The following ALK variants were observed in gnomAD, a reference collection of about 807,000 sequenced individuals.
ALK encodes ALK tyrosine kinase receptor.
In ALK, 74 loss-of-function variants were observed where a neutral mutation model predicts 163.1. The observed-to-expected ratio is 0.45, with a 90% CI of 0.38 to 0.55. ALK has a LOEUF of 0.55. Among genes scored for constraint, ALK ranks in the 20% least tolerant of loss-of-function variants. ALK has a pLI of 0.00. For synonymous variants in ALK, 960 were observed against 843.2 expected (o/e 1.14, Z -2.40); for missense variants, 2,063 against 2,105.3 (o/e 0.98, Z 0.39).
rs73920736 is a variant in ALK, at chr2:29,225,161, G to C, written c.3172+300C>G. 6.6e-3 allele frequency among the ~76,000 whole-genome samples: 1,006 copies of C among 152,250 alleles called. 14 individuals are homozygous for C. Among genetic ancestry groups the C allele is most frequent in the African/African-American group, 0.023 (946 of 41,518 alleles). Reference sequence around the variant, plus strand: ...CTAGAAGTGACGTCTAGGGGTGGGGGCGAGCTTTCACCATCGTGATGGACA... The same window carrying C: ...CTAGAAGTGACGTCTAGGGGTGGGGCCGAGCTTTCACCATCGTGATGGACA... On this transcript the variant is annotated intron_variant, in intron 19 of 28. Coordinates refer to ENST00000389048, the MANE Select transcript of ALK (RefSeq NM_004304.5).
intron 11 of ALK, among the ~76,000 whole-genome samples, chr2:29,260,934 T>G (rs1488399651): frequency 6.6e-6 from 1 of 152,162 alleles, no homozygotes; most frequent in African/African-American, 2.4e-5. Flanking sequence ...CTGGACATTC[T>G]CTTATTTATT....
At chr2:29,236,426 G>A (rs1265474190) in intron 13 of ALK, among the ~76,000 whole-genome samples, 1 of 152,202 alleles carries the variant, frequency 6.6e-6, no homozygotes, top group Non-Finnish European at 1.5e-5. Flanking sequence ...GGGCTTTCCT[G>A]TAGTTAGAGC....
At chr2:29,212,925 G>A (rs933503588) in intron 24 of ALK, among the ~76,000 whole-genome samples, 4 of 152,194 alleles carry the variant, frequency 2.6e-5, no homozygotes, top group Non-Finnish European at 5.9e-5. Flanking sequence ...GGCTGGTCTC[G>A]AACTCCCAAC....
chr2:29,347,847 C>T (rs537545800), intron 5 of ALK, among the ~76,000 whole-genome samples: 3 of 152,318 alleles, frequency 2.0e-5, no homozygotes, highest in Admixed American at 2.0e-4. Context: ...AGTTCTCAAA[C>T]TTTAGCATGC....
intron 3 of ALK, among the ~76,000 whole-genome samples, chr2:29,605,524 A>G (rs949872065): frequency 2.0e-5 from 3 of 152,216 alleles, no homozygotes; most frequent in Non-Finnish European, 4.4e-5. Flanking sequence ...GATGACTTAG[A>G]TGAAGTCACG....
At chr2:29,795,893 T>C (rs1430476552) in intron 1 of ALK, among the ~76,000 whole-genome samples, 1 of 152,186 alleles carries the variant, frequency 6.6e-6, no homozygotes, top group Non-Finnish European at 1.5e-5. Context: ...AAAAAGGACA[T>C]AACTGCATAT....
At chr2:29,216,930 G>GTGT (rs1553393091) in intron 23 of ALK, among the ~76,000 whole-genome samples, 122 of 131,572 alleles carry the variant, frequency 9.3e-4, no homozygotes, top group Admixed American at 3.4e-3. Flanking sequence ...TATGGTGTGT[G>GTGT]GGGGGTGTGT....
chr2:29,807,572 G>A (rs1664653742), intron 1 of ALK, among the ~76,000 whole-genome samples: 3 of 152,214 alleles, frequency 2.0e-5, no homozygotes, highest in Admixed American at 6.5e-5. Flanking sequence ...GCACCTGGAA[G>A]TTGTTTGAAG....
intron 8 of ALK, among the ~76,000 whole-genome samples, chr2:29,297,544 T>G (rs1175837376): frequency 6.6e-6 from 1 of 152,226 alleles, no homozygotes; most frequent in East Asian, 1.9e-4. Flanking sequence ...CTCATTTGAA[T>G]GGTGTCATGT....
intron 3 of ALK, among the ~76,000 whole-genome samples, chr2:29,568,896 T>A (rs1282580581): frequency 6.6e-6 from 1 of 152,084 alleles, no homozygotes; most frequent in Non-Finnish European, 1.5e-5. Flanking sequence ...CTGACCCTTG[T>A]GTATGGTCTG....
chr2:29,478,461 T>C (rs1671580475), intron 4 of ALK, among the ~76,000 whole-genome samples: 1 of 152,220 alleles, frequency 6.6e-6, no homozygotes, highest in Non-Finnish European at 1.5e-5. Context: ...AACAGAGCCT[T>C]GGACAGGCGG....
intron 8 of ALK, among the ~76,000 whole-genome samples, chr2:29,306,751 C>T (rs1463409065): frequency 6.6e-6 from 1 of 152,082 alleles, no homozygotes; most frequent in Admixed American, 6.5e-5. Context: ...TTGCTGATGC[C>T]AGTAACAATA....
chr2:29,797,685 G>A (rs1166032789), intron 1 of ALK, among the ~76,000 whole-genome samples: 1 of 152,086 alleles, frequency 6.6e-6, no homozygotes, highest in African/African-American at 2.4e-5. Context: ...ACTAGTTACT[G>A]GAGTAGTGTT....
At chr2:29,818,515 AG>A (rs1664958609) in intron 1 of ALK, among the ~76,000 whole-genome samples, 1 of 152,232 alleles carries the variant, frequency 6.6e-6, no homozygotes, top group Non-Finnish European at 1.5e-5. Context: ...AACAGCGCGC[AG>A]GTTTTCCACG....
intron 1 of ALK, among the ~76,000 whole-genome samples, chr2:29,854,106 C>T (rs1311209813): frequency 1.3e-5 from 2 of 152,034 alleles, no homozygotes; most frequent in African/African-American, 4.8e-5. Context: ...TCCTCCTCCA[C>T]CCTGCACAGG....
intron 1 of ALK, among the ~76,000 whole-genome samples, chr2:29,824,456 C>A (rs1279748591): frequency 6.6e-6 from 1 of 152,218 alleles, no homozygotes; most frequent in African/African-American, 2.4e-5. Context: ...ACACTCAATG[C>A]CAGCTAGTGA....
At chr2:29,653,512 T>C (rs1677092457) in intron 3 of ALK, among the ~76,000 whole-genome samples, 1 of 149,020 alleles carries the variant, frequency 6.7e-6, no homozygotes, top group Non-Finnish European at 1.5e-5. Flanking sequence ...CTTACCTAAC[T>C]TAACTTAATT....
chr2:29,468,340 A>G (rs2148108812), intron 4 of ALK, among the ~76,000 whole-genome samples: 1 of 152,268 alleles, frequency 6.6e-6, no homozygotes, highest in Admixed American at 6.5e-5. Flanking sequence ...AATTTTTAAT[A>G]GTGTAAAGGA....
chr2:29,438,669 G>A (rs1670462726), intron 4 of ALK, among the ~76,000 whole-genome samples: 2 of 152,148 alleles, frequency 1.3e-5, no homozygotes, highest in Non-Finnish European at 1.5e-5. Context: ...GACCTTCAGA[G>A]GGCTGCCTTC....
Sources: allele counts gnomAD v4.1 joint callset (sites outside exome capture counted in the v4.1 genomes callset), GRCh38; gene constraint gnomAD v4.1.1; transcripts MANE v1.5; gene names NCBI Gene and HGNC (gene_info 2026-07-23, HGNC 2026-07-21).